Variants in SLC24A2 observed in about 807,000 individuals in gnomAD.
The protein encoded by SLC24A2 is solute carrier family 24 member 2.
Under a neutral mutation model 62.0 loss-of-function variants are expected in SLC24A2, and 36 were observed. The observed-to-expected ratio is 0.58, with a 90% CI of 0.44 to 0.77. SLC24A2 has a LOEUF of 0.77. Ranked by LOEUF, SLC24A2 falls within the 30% of genes least tolerant of loss-of-function variation. The probability of loss-of-function intolerance (pLI) is 0.00; values close to 1 mark genes in which losing one functional copy is unlikely to be tolerated. For synonymous variants in SLC24A2, 358 were observed against 294.0 expected, an observed-to-expected ratio of 1.22 and a Z score of -2.23; for missense variants, 846 against 817.9, an observed-to-expected ratio of 1.03 and a Z score of -0.42.
intron 2 of SLC24A2, among the ~76,000 whole-genome samples, chr9:19,637,190 A>C (rs1818380503): frequency 6.6e-6 from 1 of 152,230 alleles, no homozygotes; most frequent in African/African-American, 2.4e-5. Context: ...ACAGAGTAGA[A>C]GGCAGCACAG....
the SLC24A2 span, among the ~76,000 whole-genome samples, chr9:19,866,841 T>G: frequency 6.6e-6 from 1 of 151,882 alleles, no homozygotes; most frequent in Non-Finnish European, 1.5e-5. Flanking sequence ...CACTTATTAT[T>G]TGTAGTATCT....
At chr9:19,840,721 C>T in the SLC24A2 span, among the ~76,000 whole-genome samples, 2 of 152,114 alleles carry the variant, frequency 1.3e-5, no homozygotes, top group African/African-American at 4.8e-5. Flanking sequence ...GTGACCTCCA[C>T]CCCAATCAAG....
the SLC24A2 span, among the ~76,000 whole-genome samples, chr9:20,054,381 AG>A: frequency 1.3e-5 from 2 of 152,020 alleles, no homozygotes; most frequent in African/African-American, 4.8e-5. Context: ...TAGTAGAGAC[AG>A]GGTTTCACCA....
chr9:20,185,850 G>A, the SLC24A2 span, among the ~76,000 whole-genome samples: 2 of 152,018 alleles, frequency 1.3e-5, no homozygotes, highest in East Asian at 3.9e-4. Flanking sequence ...ATTGCAAAAT[G>A]AAGCTTAATT....
chr9:19,861,595 C>A, the SLC24A2 span, among the ~76,000 whole-genome samples: 6 of 152,174 alleles, frequency 3.9e-5, no homozygotes, highest in African/African-American at 1.4e-4. Flanking sequence ...AATAATGCAC[C>A]ATGGATCAAT....
the SLC24A2 span, among the ~76,000 whole-genome samples, chr9:20,068,248 G>C: frequency 1.3e-5 from 2 of 151,820 alleles, no homozygotes; most frequent in South Asian, 2.1e-4. Flanking sequence ...ATTTTTAGTA[G>C]AGACGGGGTT....
intron 2 of SLC24A2, among the ~76,000 whole-genome samples, chr9:19,657,799 C>T (rs919749471): frequency 2.6e-5 from 4 of 152,118 alleles, no homozygotes; most frequent in Admixed American, 2.0e-4. Context: ...ACAATCCCAG[C>T]CCACTGCAGA....
At chr9:19,986,587 C>T in the SLC24A2 span, among the ~76,000 whole-genome samples, 1 of 149,808 alleles carries the variant, frequency 6.7e-6, no homozygotes, top group African/African-American at 2.4e-5. Context: ...ATATATATAT[C>T]CAATGTAATA....
chr9:19,762,234 A>G (rs976665613), intron 2 of SLC24A2, among the ~76,000 whole-genome samples: 2 of 152,188 alleles, frequency 1.3e-5, no homozygotes, highest in Non-Finnish European at 2.9e-5. Context: ...ATAGATGGCA[A>G]ACATTTTCTC....
intron 5 of SLC24A2, among the ~76,000 whole-genome samples, chr9:19,588,320 G>C (rs542591036): frequency 2.6e-5 from 4 of 152,088 alleles, no homozygotes; most frequent in Admixed American, 2.6e-4. Flanking sequence ...GCACGATATT[G>C]GAAATGGTGT....
the SLC24A2 span, among the ~76,000 whole-genome samples, chr9:19,971,617 T>C: frequency 6.6e-6 from 1 of 152,122 alleles, no homozygotes; most frequent in Non-Finnish European, 1.5e-5. Context: ...AATTGGATGA[T>C]ATGGCAGGGT....
At chr9:19,550,315 G>C (rs759182946) in intron 7 of SLC24A2, 47 bp from the exon 8 acceptor site, 1 of 1,591,972 alleles carries the variant, frequency 6.3e-7, no homozygotes, top group Non-Finnish European at 8.6e-7. Flanking sequence ...AAAATAAAAT[G>C]TACACAGGCA....
At chr9:19,550,698 C>G (rs1168108283) in intron 7 of SLC24A2, among the ~76,000 whole-genome samples, 3 of 71,146 alleles carry the variant, frequency 4.2e-5, no homozygotes, top group Admixed American at 1.8e-4. Flanking sequence ...AAAAATATTT[C>G]TTTTTCTCTT....
At chr9:19,878,150 A>G in the SLC24A2 span, among the ~76,000 whole-genome samples, 1 of 152,156 alleles carries the variant, frequency 6.6e-6, no homozygotes, top group African/African-American at 2.4e-5. Flanking sequence ...AATGAGCACA[A>G]AAATGCCCTT....
chr9:20,088,716 G>C, the SLC24A2 span, among the ~76,000 whole-genome samples: 1 of 152,298 alleles, frequency 6.6e-6, no homozygotes, highest in Non-Finnish European at 1.5e-5. Context: ...GGGGCAGACT[G>C]ATTTTTTTAT....
At chr9:19,671,284 T>C (rs940386352) in intron 2 of SLC24A2, among the ~76,000 whole-genome samples, 1 of 151,974 alleles carries the variant, frequency 6.6e-6, no homozygotes, top group Non-Finnish European at 1.5e-5. Flanking sequence ...GGTATATTCC[T>C]CAGTATTTTA....
chr9:20,076,640 A>C, the SLC24A2 span, among the ~76,000 whole-genome samples: 1 of 152,168 alleles, frequency 6.6e-6, no homozygotes. Context: ...GCTTTGTGAC[A>C]CTTTGTTGTG....
chr9:20,155,130 G>GAA, the SLC24A2 span, among the ~76,000 whole-genome samples: 6 of 112,596 alleles, frequency 5.3e-5, no homozygotes, highest in East Asian at 5.6e-4. Context: ...TGCCCAACTG[G>GAA]AAAAAAAAAA....
chr9:20,076,027 A>C, the SLC24A2 span, among the ~76,000 whole-genome samples: 1 of 152,096 alleles, frequency 6.6e-6, no homozygotes, highest in Non-Finnish European at 1.5e-5. Flanking sequence ...TAGTTGTTAC[A>C]CTCTATTGTT....
Sources: allele counts gnomAD v4.1 joint callset (sites outside exome capture counted in the v4.1 genomes callset), GRCh38; gene constraint gnomAD v4.1.1; transcripts MANE v1.5; gene names NCBI Gene and HGNC (gene_info 2026-07-23, HGNC 2026-07-21).